Variants in SETD3 observed in about 807,000 individuals in gnomAD.
The protein encoded by SETD3 is actin-histidine N-methyltransferase.
A neutral mutation model predicts 63.0 loss-of-function variants in SETD3; 19 were observed. That is an observed-to-expected ratio of 0.30 (90% confidence interval 0.21 to 0.44). The LOEUF (loss-of-function observed/expected upper bound fraction) is 0.44. SETD3 is among the 20% of genes least tolerant of loss of function. The pLI is 1.00. For synonymous variants in SETD3, 286 were observed against 264.1 expected, an observed-to-expected ratio of 1.08 and a Z score of -0.80; for missense variants, 587 against 728.5, an observed-to-expected ratio of 0.81 and a Z score of 2.24.
chr14:99,412,644 A>G (rs1006752548), intron 8 of SETD3: 7 of 263,080 alleles, frequency 2.7e-5, no homozygotes, highest in Non-Finnish European at 4.3e-5. Flanking sequence ...TCTGTGGTAC[A>G]ATAAGATAAG....
At chr14:99,404,374 A>G (rs1029367699) in intron 10 of SETD3, 64 bp from the exon 11 acceptor site, 23 of 1,432,516 alleles carry the variant, frequency 1.6e-5, no homozygotes, top group African/African-American at 2.8e-5. Context: ...CCAAACTGAG[A>G]TTCCTTAAGT....
intron 6 of SETD3, among the ~76,000 whole-genome samples, chr14:99,444,115 C>A (rs1442301691): frequency 6.6e-6 from 1 of 152,188 alleles, no homozygotes; most frequent in Non-Finnish European, 1.5e-5. Flanking sequence ...ATCTGAGGTA[C>A]TGTTCTTCTG....
chr14:99,467,227 C>T (rs1472322881), intron 1 of SETD3, among the ~76,000 whole-genome samples: 1 of 152,194 alleles, frequency 6.6e-6, no homozygotes, highest in Non-Finnish European at 1.5e-5. Flanking sequence ...TACACAGTGT[C>T]AGTCATCCTG....
rs199804307 is a variant in SETD3 at position 99,398,645 on chromosome 14, C to T, written c.*34G>A. 1,071 of 1,584,954 alleles carry T rather than the reference C, an allele frequency of 6.8e-4. 2 individuals are homozygous for T. The highest frequency in any genetic ancestry group is 2.5e-3 in the African/African-American group (188 of 74,314). On this transcript the variant is annotated 3_prime_UTR_variant, in exon 13 of 13. Coordinates refer to ENST00000331768, the MANE Select transcript of SETD3 (RefSeq NM_032233.3). ...TGAACGGACTGTCCGTCAACTCCTG[C>T]TCCACTGGATCCCCCATCCAGCTTC...
intron 6 of SETD3, among the ~76,000 whole-genome samples, chr14:99,428,674 G>A (rs1893013070): frequency 6.6e-6 from 1 of 152,124 alleles, no homozygotes; most frequent in African/African-American, 2.4e-5. Flanking sequence ...CAAAACAAGT[G>A]ATGGAGGAAG....
chr14:99,408,693 G>C (rs760825507), intron 8 of SETD3, among the ~76,000 whole-genome samples: 26 of 152,358 alleles, frequency 1.7e-4, no homozygotes, highest in African/African-American at 3.6e-4. Context: ...AAACAGGCTG[G>C]GATCCTGCCC....
chr14:99,476,854 T>G (rs1895998077), intron 1 of SETD3, among the ~76,000 whole-genome samples: 1 of 152,202 alleles, frequency 6.6e-6, no homozygotes, highest in Admixed American at 6.5e-5. Flanking sequence ...GTATATTTTA[T>G]TAAGAGTTCT....
chr14:99,420,827 A>C (rs566922945), intron 6 of SETD3, among the ~76,000 whole-genome samples: 2 of 145,448 alleles, frequency 1.4e-5, no homozygotes, highest in East Asian at 4.1e-4. Context: ...CCCCCAACTC[A>C]CCCCGAACAT....
chr14:99,476,630 C>T (rs1456509396), intron 1 of SETD3, among the ~76,000 whole-genome samples: 1 of 152,138 alleles, frequency 6.6e-6, no homozygotes, highest in Non-Finnish European at 1.5e-5. Flanking sequence ...GTAAAAGCAG[C>T]TTTTATAAGT....
chr14:99,421,080 T>C (rs1892574862), intron 6 of SETD3, among the ~76,000 whole-genome samples: 1 of 83,674 alleles, frequency 1.2e-5, no homozygotes, highest in Non-Finnish European at 2.1e-5. Flanking sequence ...CCCCAACATC[T>C]CAATCTGCTG....
chr14:99,410,142 G>T, intron 8 of SETD3: 1 of 1,551,812 alleles, frequency 6.4e-7, no homozygotes, highest in Non-Finnish European at 8.9e-7. Context: ...GTCTATGAGT[G>T]AGTCCCGTAA....
In SETD3 at chr14:99,404,097, T is replaced by C. The variant is rs7144357; in HGVS notation, c.1177+128A>G. On this transcript the variant is annotated intron_variant, in intron 11 of 12. Transcript: ENST00000331768. ...TCTATTTCTTCTTTCTCCAGTATTG[T>C]ATCTTCTCTCTTCCCAAAAGTACTG... 8,636 of 651,726 alleles carry C rather than the reference T, an allele frequency of 0.013. 547 individuals carry two copies. The African/African-American group carries it at 0.14, about 11-fold the overall frequency. 40.4% of individuals were successfully genotyped at this position (651,726 alleles called of 1,614,324 possible).
intron 6 of SETD3, among the ~76,000 whole-genome samples, chr14:99,452,722 C>T (rs1266241333): frequency 6.6e-6 from 1 of 152,182 alleles, no homozygotes; most frequent in African/African-American, 2.4e-5. Context: ...ATGCTCCTCT[C>T]CCAAAAACCA....
At chr14:99,461,448 T>C in intron 3 of SETD3, 108 bp from the exon 4 acceptor site, 1 of 1,090,804 alleles carries the variant, frequency 9.2e-7, no homozygotes, top group East Asian at 2.4e-5. Context: ...GAAATAGTCT[T>C]AACACGCCAA....
intron 6 of SETD3, among the ~76,000 whole-genome samples, chr14:99,433,266 C>A (rs1226631563): frequency 6.6e-6 from 1 of 151,996 alleles, no homozygotes; most frequent in East Asian, 1.9e-4. Context: ...TGGCAAATTT[C>A]ATGTTATGTG....
intron 6 of SETD3, among the ~76,000 whole-genome samples, chr14:99,447,953 G>A (rs1894230410): frequency 6.6e-6 from 1 of 152,166 alleles, no homozygotes; most frequent in Non-Finnish European, 1.5e-5. Flanking sequence ...CAGTCAGCAG[G>A]GCCACACCCA....
intron 1 of SETD3, among the ~76,000 whole-genome samples, chr14:99,479,328 T>C (rs533728618): frequency 2.0e-5 from 3 of 152,306 alleles, no homozygotes; most frequent in East Asian, 3.9e-4. Context: ...CGGTAAACTG[T>C]TGGAATTTCA....
At chr14:99,479,150 A>G (rs1375790244) in intron 1 of SETD3, among the ~76,000 whole-genome samples, 1 of 152,228 alleles carries the variant, frequency 6.6e-6, no homozygotes, top group Admixed American at 6.5e-5. Flanking sequence ...ACTCCTTCAG[A>G]CTACAGTTCC....
chr14:99,486,163 G>A, the SETD3 span, among the ~76,000 whole-genome samples: 4 of 152,132 alleles, frequency 2.6e-5, no homozygotes, highest in Admixed American at 6.5e-5. Flanking sequence ...CTTTTCTTTA[G>A]CATTTGTCAC....
Sources: gnomAD v4.1 joint callset for allele counts (sites outside exome capture counted in the v4.1 genomes callset) on GRCh38, gnomAD v4.1.1 for gene constraint, MANE v1.5 for transcripts, NCBI Gene and HGNC (gene_info 2026-07-23, HGNC 2026-07-21) for gene names.